Variants in PTPRF observed in about 807,000 individuals in gnomAD.
PTPRF encodes receptor-type tyrosine-protein phosphatase F.
Under a neutral mutation model 201.8 loss-of-function variants are expected in PTPRF, and 59 were observed. The ratio of observed to expected loss-of-function variants is 0.29; its 90% CI spans 0.24 to 0.36. PTPRF has a LOEUF of 0.36. Ranked by LOEUF, PTPRF falls within the 10% of genes least tolerant of loss-of-function variation. PTPRF has a pLI of 1.00. For missense variants in PTPRF, 2,132 were observed against 2,690.5 expected, an observed-to-expected ratio of 0.79 and a Z score of 4.59; for synonymous variants, 1,088 against 1,089.7, an observed-to-expected ratio of 1.00 and a Z score of 0.03.
chr1:43,597,325 A>G (rs1570475004), intron 11 of PTPRF, among the ~76,000 whole-genome samples: 1 of 151,840 alleles, frequency 6.6e-6, no homozygotes, highest in South Asian at 2.1e-4. Context: ...TGTGTGAGAC[A>G]CTATGTATAT....
intron 5 of PTPRF, among the ~76,000 whole-genome samples, chr1:43,567,494 C>G (rs1345919679): frequency 6.6e-6 from 1 of 152,226 alleles, no homozygotes; most frequent in Non-Finnish European, 1.5e-5. Context: ...CCAGGAAAGG[C>G]TGGGGCGGCA....
At chr1:43,540,187 C>T (rs188381187) in intron 2 of PTPRF, among the ~76,000 whole-genome samples, 6 of 152,324 alleles carry the variant, frequency 3.9e-5, no homozygotes, top group Admixed American at 3.3e-4. Context: ...GTAGCATCTC[C>T]CCGCTTTCCC....
chr1:43,591,384 C>T lies in PTPRF; in HGVS notation c.1362C>T (p.Asp454=). ...VRGYRVYYTP[D]SRRPPNAWHK... is the part of the protein sequence containing the mutation. Reference sequence around the variant, plus strand: ...GATACCGCGTCTACTATACTCCGGACTCCCGCCGCCCCCCGAACGCCTGGC... The same window carrying T: ...GATACCGCGTCTACTATACTCCGGATTCCCGCCGCCCCCCGAACGCCTGGC... Residue 454 remains aspartate (D), a synonymous_variant, in exon 9 of 34, where the codon GAC becomes GAT. Transcript: ENST00000359947. 1.3e-6 allele frequency: 2 copies of T among 1,559,016 alleles called. No individual in the cohort carries two copies.
intron 23 of PTPRF, among the ~76,000 whole-genome samples, chr1:43,615,221 C>T (rs961089480): frequency 1.3e-5 from 2 of 152,216 alleles, no homozygotes; most frequent in African/African-American, 4.8e-5. Flanking sequence ...AACCGTGCTG[C>T]CTCTGCCTAT....
At position 43,542,393 on chromosome 1, in the gene PTPRF, A is replaced by C. The variant is rs1644412679; in HGVS notation, c.-45-2638A>C. Among the ~76,000 whole-genome samples, 1 of 152,114 alleles carries C rather than the reference A, an allele frequency of 6.6e-6. No homozygotes were observed. The highest frequency in any genetic ancestry group is 2.4e-5 in the African/African-American group (1 of 41,414). ...GGGCATCTGTGTCCTTGTGTCCATC[A>C]TGGACCACTGGAAGAAGCTCTCTGT... On this transcript the variant is annotated intron_variant, in intron 2 of 33. Transcript: ENST00000359947. The surrounding 1 kb of genome is among the most constrained non-coding windows in gnomAD (Gnocchi z 5.2).
At chr1:43,604,823 G>T in intron 16 of PTPRF, 80 bp from the exon 17 acceptor site, 1 of 1,204,476 alleles carries the variant, frequency 8.3e-7, no homozygotes, top group Non-Finnish European at 1.2e-6. Context: ...TCTCATCCTG[G>T]CCATTCACCT....
At chr1:43,606,095 G>A in intron 19 of PTPRF, 145 bp from the exon 20 acceptor site, 1 of 827,600 alleles carries the variant, frequency 1.2e-6, no homozygotes, top group East Asian at 2.7e-5. Flanking sequence ...TTACTCTGTA[G>A]GGGCAGTGGG....
intron 7 of PTPRF, among the ~76,000 whole-genome samples, chr1:43,587,298 C>T (rs572390576): frequency 1.2e-4 from 19 of 152,262 alleles, no homozygotes; most frequent in African/African-American, 4.3e-4. Flanking sequence ...GGAGGACTGA[C>T]GCAGAACACA....
chr1:43,567,790 A>G (rs770229021), intron 5 of PTPRF, among the ~76,000 whole-genome samples: 1 of 152,214 alleles, frequency 6.6e-6, no homozygotes, highest in Non-Finnish European at 1.5e-5. Context: ...TTACTCTGGC[A>G]TAGAAGCCTG....
intron 13 of PTPRF, among the ~76,000 whole-genome samples, chr1:43,600,351 C>G (rs1379488092): frequency 6.6e-6 from 1 of 152,162 alleles, no homozygotes; most frequent in Non-Finnish European, 1.5e-5. Flanking sequence ...CGGAAGGGAG[C>G]TGGGCCAGAG....
At chr1:43,616,284 A>G (rs1657840033) in intron 23 of PTPRF, among the ~76,000 whole-genome samples, 1 of 151,304 alleles carries the variant, frequency 6.6e-6, no homozygotes, top group African/African-American at 2.4e-5. Flanking sequence ...CAAAGTGCTC[A>G]CAGCGGTGCC....
chr1:43,566,084 G>A (rs1488254035), intron 5 of PTPRF, among the ~76,000 whole-genome samples: 1 of 152,196 alleles, frequency 6.6e-6, no homozygotes, highest in Admixed American at 6.5e-5. Context: ...TGCAAACGCC[G>A]CGGCGCGTGT....
chr1:43,563,522 G>A (rs1385382603), intron 5 of PTPRF, among the ~76,000 whole-genome samples: 3 of 152,184 alleles, frequency 2.0e-5, no homozygotes, highest in Non-Finnish European at 2.9e-5. Context: ...CCCAGGAACC[G>A]ACTCTCCATG....
At chr1:43,608,402 G>A (rs1443241979) in intron 21 of PTPRF, among the ~76,000 whole-genome samples, 2 of 152,214 alleles carry the variant, frequency 1.3e-5, no homozygotes, top group African/African-American at 2.4e-5. Flanking sequence ...CCAGCAGGGA[G>A]GGATGACGCT....
chr1:43,618,870 G>A lies in PTPRF; in HGVS notation c.4491+121G>A, dbSNP rs976385010. 6.1e-6 allele frequency: 9 copies of A among 1,472,310 alleles called. No homozygotes were observed. In the African/African-American group the frequency reaches 1.3e-4, roughly 21 times the overall value. 91.2% of individuals were successfully genotyped at this position (1,472,310 alleles called of 1,614,324 possible). A position where few individuals can be genotyped will look rare whatever the true frequency, so the allele number is the denominator to read the frequency against. ...GTGTTGGAGGGTCGGAGGCTCAGGTGTGTGAGTGATGTGATGATCCATGTT... is the reference window on the plus strand; with the variant it reads ...GTGTTGGAGGGTCGGAGGCTCAGGTATGTGAGTGATGTGATGATCCATGTT... On this transcript the variant is annotated intron_variant, in intron 26 of 33. Transcript: ENST00000359947.
In PTPRF at chr1:43,588,534, T is replaced by C. The variant is rs917184994; in HGVS notation, c.680-197T>C. On this transcript the variant is annotated intron_variant, in intron 7 of 33. Transcript: ENST00000359947. This position sits in a 1 kb window ranked among gnomAD's most constrained non-coding sequence, Gnocchi z 5.3. ...CATCGTGCTCCAGACAGTCCCTGAGTGTGGGGGCCACTTCTAGGCTGGAAG... is the reference window on the plus strand; with the variant it reads ...CATCGTGCTCCAGACAGTCCCTGAGCGTGGGGGCCACTTCTAGGCTGGAAG... Among the ~76,000 whole-genome samples the C allele has an allele frequency of 5.9e-5, 9 of 151,924 alleles. No homozygotes were observed. The highest frequency in any genetic ancestry group is 2.2e-4 in the African/African-American group (9 of 41,358).
At position 43,592,387 on chromosome 1, in the gene PTPRF, C is replaced by A. The variant is rs116656175; in HGVS notation, c.1669-70C>A. On this transcript the variant is annotated intron_variant, in intron 10 of 33. Coordinates refer to ENST00000359947, the MANE Select transcript of PTPRF (RefSeq NM_002840.5). ...GGTCCAGAGGTGTCACATTGCAGCC[C>A]ATGTTGGGGAACAACCTGTGAGTGA... 239 of 1,537,776 alleles carry A rather than the reference C, an allele frequency of 1.6e-4. 1 individual carries two copies. In the African/African-American group the frequency reaches 3.1e-3, roughly 20 times the overall value.
At chr1:43,612,239 C>T (rs72877529) in intron 22 of PTPRF, among the ~76,000 whole-genome samples, 5,293 of 152,050 alleles carry the variant, frequency 0.035, 323 homozygotes, top group African/African-American at 0.12. Context: ...GTGGTGGCCA[C>T]GTCCTGTGGG....
intron 8 of PTPRF, among the ~76,000 whole-genome samples, chr1:43,590,493 G>T (rs566782360): frequency 1.9e-4 from 29 of 152,292 alleles, no homozygotes; most frequent in African/African-American, 6.5e-4. Flanking sequence ...GGTCTGTGGG[G>T]CCAGCAGCCC....
Sources: gnomAD v4.1 joint callset for allele counts (sites outside exome capture counted in the v4.1 genomes callset) on GRCh38, gnomAD v4.1.1 for gene constraint, Gnocchi (gnomAD v3.1) non-coding constraint, MANE v1.5 for transcripts, NCBI Gene and HGNC (gene_info 2026-07-23, HGNC 2026-07-21) for gene names.